ZBBX: variants seen among roughly 807,000 people sequenced by gnomAD.
ZBBX encodes zinc finger B-box domain containing.
Under a neutral mutation model 108.5 loss-of-function variants are expected in ZBBX, and 101 were observed. The ratio of observed to expected loss-of-function variants is 0.93; its 90% CI spans 0.79 to 1.10. ZBBX has a LOEUF of 1.10. Ranked by LOEUF, ZBBX falls within the 50% of genes least tolerant of loss-of-function variation. The pLI is 0.00. For synonymous variants in ZBBX, 356 were observed against 323.4 expected, an observed-to-expected ratio of 1.10 and a Z score of -1.08; for missense variants, 1,009 against 941.4, an observed-to-expected ratio of 1.07 and a Z score of -0.94.
chr3:167,258,759 T>C (rs1412253317), intron 20 of ZBBX, among the ~76,000 whole-genome samples: 1 of 152,252 alleles, frequency 6.6e-6, no homozygotes, highest in Non-Finnish European at 1.5e-5. Context: ...ATTCTGTGTA[T>C]GTGGTGCATC....
At chr3:167,349,456 TG>T (rs772632854) in intron 9 of ZBBX, among the ~76,000 whole-genome samples, 3 of 152,000 alleles carry the variant, frequency 2.0e-5, no homozygotes, top group Non-Finnish European at 4.4e-5. Context: ...AAACATTGAG[TG>T]GTCACTCAAA....
rs111640254 is a variant in ZBBX, at chr3:167,343,536, T to C, written c.528+6884A>G. Among the ~76,000 whole-genome samples the C allele has an allele frequency of 2.1e-3, 312 of 152,078 alleles. 1 individual carries two copies. Among genetic ancestry groups the C allele is most frequent in the South Asian group, 5.6e-3 (27 of 4,830 alleles). On this transcript the variant is annotated intron_variant, in intron 9 of 21. Transcript: ENST00000675490. ...ATAACTTCACTAAAGTGCAGGCTAC[T>C]GAACTGTCCCACATCCAGGTCTTCG...
chr3:167,288,211 A>G (rs752950969), intron 19 of ZBBX, among the ~76,000 whole-genome samples: 2 of 152,154 alleles, frequency 1.3e-5, no homozygotes, highest in Non-Finnish European at 2.9e-5. Flanking sequence ...GTATAATGGG[A>G]TAACAGTAAT....
chr3:167,221,892 T>C, the ZBBX span, among the ~76,000 whole-genome samples: 1 of 151,904 alleles, frequency 6.6e-6, no homozygotes, highest in Non-Finnish European at 1.5e-5. Flanking sequence ...TAAAATGGTT[T>C]TTATCCAAAA....
At chr3:167,316,917 C>A (rs1696451964) in intron 14 of ZBBX, 88 bp downstream of exon 14, 2 of 700,234 alleles carry the variant, frequency 2.9e-6, no homozygotes, top group African/African-American at 3.7e-5. Flanking sequence ...TTTGAGAAAT[C>A]TTATTGAAAA....
intron 1 of ZBBX, among the ~76,000 whole-genome samples, chr3:167,395,741 C>T (rs1226933252): frequency 1.3e-5 from 2 of 151,906 alleles, no homozygotes; most frequent in Non-Finnish European, 2.9e-5. Flanking sequence ...TGAGGGTTCC[C>T]TTCAATTTTA....
the ZBBX span, among the ~76,000 whole-genome samples, chr3:167,186,583 CT>C: frequency 6.6e-6 from 1 of 152,148 alleles, no homozygotes; most frequent in African/African-American, 2.4e-5. Flanking sequence ...CCCAAGGTAC[CT>C]GCAACTACAT....
At chr3:167,247,103 C>T (rs1054338125) in intron 20 of ZBBX, among the ~76,000 whole-genome samples, 2 of 152,162 alleles carry the variant, frequency 1.3e-5, no homozygotes, top group Admixed American at 1.3e-4. Context: ...ACAAATGTTG[C>T]ATTTCCCAAG....
chr3:167,230,018 T>A, the ZBBX span, among the ~76,000 whole-genome samples: 1 of 151,890 alleles, frequency 6.6e-6, no homozygotes, highest in African/African-American at 2.4e-5. Flanking sequence ...TTGGCAAGTA[T>A]GAAATCTGGA....
At chr3:167,217,862 C>G in the ZBBX span, among the ~76,000 whole-genome samples, 4 of 150,938 alleles carry the variant, frequency 2.7e-5, no homozygotes, top group Non-Finnish European at 5.9e-5. Flanking sequence ...AATGCAGGAA[C>G]AGAAAACCAA....
chr3:167,341,348 A>G (rs1740502939), intron 9 of ZBBX, among the ~76,000 whole-genome samples: 1 of 151,896 alleles, frequency 6.6e-6, no homozygotes, highest in African/African-American at 2.4e-5. Context: ...TTTGGACTCA[A>G]TATTTAGTAC....
intron 1 of ZBBX, among the ~76,000 whole-genome samples, chr3:167,406,345 G>T (rs1295878769): frequency 6.6e-6 from 1 of 152,196 alleles, no homozygotes; most frequent in African/African-American, 2.4e-5. Flanking sequence ...TATATAATTG[G>T]AGACACTCCC....
intron 20 of ZBBX, among the ~76,000 whole-genome samples, chr3:167,249,277 T>C (rs1416850636): frequency 1.3e-5 from 2 of 152,358 alleles, no homozygotes; most frequent in Non-Finnish European, 2.9e-5. Context: ...GCCCCATAAG[T>C]GTAGGCTTTC....
intron 2 of ZBBX, among the ~76,000 whole-genome samples, chr3:167,375,759 G>A (rs1393785598): frequency 6.6e-6 from 1 of 151,834 alleles, no homozygotes; most frequent in East Asian, 1.9e-4. Context: ...AATCTAACCT[G>A]AAAGGGTAGA....
chr3:167,405,190 C>T (rs527414946), intron 1 of ZBBX, among the ~76,000 whole-genome samples: 46 of 152,172 alleles, frequency 3.0e-4, no homozygotes, highest in African/African-American at 1.1e-3. Flanking sequence ...CAGGGCAATT[C>T]AATATGTGAG....
At chr3:167,275,384 G>A (rs1449221685) in intron 20 of ZBBX, among the ~76,000 whole-genome samples, 1 of 152,180 alleles carries the variant, frequency 6.6e-6, no homozygotes, top group Non-Finnish European at 1.5e-5. Flanking sequence ...CATCTCACTA[G>A]GGAGTGCCAG....
chr3:167,292,182 A>G (rs1406000214), intron 18 of ZBBX, among the ~76,000 whole-genome samples: 2 of 152,182 alleles, frequency 1.3e-5, no homozygotes, highest in Non-Finnish European at 2.9e-5. Flanking sequence ...CAGGACTTGA[A>G]CTCAGCTCTG....
At chr3:167,252,160 T>A in intron 20 of ZBBX, 1 of 1,289,596 alleles carries the variant, frequency 7.8e-7, no homozygotes, top group South Asian at 1.2e-5. Flanking sequence ...TTCTCCCAGC[T>A]CCTTAACATG....
chr3:167,330,226 CAT>C (rs1328785861), intron 10 of ZBBX, among the ~76,000 whole-genome samples: 1 of 152,024 alleles, frequency 6.6e-6, no homozygotes, highest in Non-Finnish European at 1.5e-5. Context: ...GCAGAGCAAA[CAT>C]GTTTGTAGAG....
Sources: allele counts gnomAD v4.1 joint callset (sites outside exome capture counted in the v4.1 genomes callset), GRCh38; gene constraint gnomAD v4.1.1; transcripts MANE v1.5; gene names NCBI Gene and HGNC (gene_info 2026-07-23, HGNC 2026-07-21).